Variants in SLC2A13 observed in about 807,000 individuals in gnomAD.
SLC2A13 encodes solute carrier family 2 member 13.
Under a neutral mutation model 64.4 loss-of-function variants are expected in SLC2A13, and 32 were observed. That is an observed-to-expected ratio of 0.50 (90% confidence interval 0.37 to 0.67). SLC2A13 has a LOEUF of 0.67. Among genes scored for constraint, SLC2A13 ranks in the 30% least tolerant of loss-of-function variants. The pLI is 0.00. For missense variants in SLC2A13, 743 were observed against 829.2 expected, an observed-to-expected ratio of 0.90 and a Z score of 1.28; for synonymous variants, 338 against 327.1, an observed-to-expected ratio of 1.03 and a Z score of -0.36.
chr12:40,082,490 G>A (rs142883873), intron 1 of SLC2A13, among the ~76,000 whole-genome samples: 31 of 152,316 alleles, frequency 2.0e-4, no homozygotes, highest in Admixed American at 7.8e-4. Context: ...TGCCTCAGCT[G>A]GGCAACCAAG....
intron 3 of SLC2A13, among the ~76,000 whole-genome samples, chr12:40,004,873 A>G (rs1054671094): frequency 1.1e-4 from 16 of 152,336 alleles, no homozygotes; most frequent in African/African-American, 3.8e-4. Context: ...ATAAGAGAGA[A>G]AAATATATTT....
Position 40,105,601 on chromosome 12 carries a change from G to T in SLC2A13, c.208C>A (p.Arg70=). 2.0e-6 allele frequency: 3 copies of T among 1,523,298 alleles called. No homozygotes were observed. Among genetic ancestry groups the T allele is most frequent in the Non-Finnish European group, 2.6e-6 (3 of 1,137,842 alleles). 94.4% of individuals were successfully genotyped at this position (1,523,298 alleles called of 1,614,324 possible). The change falls in exon 1 of 10, where the codon CGG becomes AGG. Residue 70 remains arginine (R), a synonymous_variant. Transcript: ENST00000280871. This position sits in a 1 kb window ranked among gnomAD's most constrained non-coding sequence, Gnocchi z 4.2. ...GGGGTCTCGTCCTGCTGGAACTGCC[G>T]CCGCGCCGCGCGCTCCAGGTCCCCG... ...GVGDLERAAR[R]QFQQDETPAF... is the part of the protein sequence containing the mutation.
intron 3 of SLC2A13, among the ~76,000 whole-genome samples, chr12:39,981,792 T>C (rs1248846620): frequency 8.5e-5 from 11 of 129,576 alleles, no homozygotes; most frequent in East Asian, 7.1e-4. Context: ...TTCCAATCAA[T>C]AGAAAAAGAG....
Position 40,105,454 on chromosome 12 carries a change from A to G in SLC2A13, c.355T>C (p.Trp119Arg). ...LKRQLSLDAL[W>R]QELLVSSTVG... is the part of the protein sequence containing the mutation. ...GTGCTGGACACCAGCAGCTCCTGCC[A>G]CAGCGCGTCCAGACTGAGCTGCCGC... is the stretch of plus-strand genomic sequence containing the variant. The change falls in exon 1 of 10, where the codon TGG (tryptophan) becomes CGG (arginine). Residue 119 changes from tryptophan (W) to arginine (R), a missense_variant. Transcript: ENST00000280871. The surrounding 1 kb of genome is among the most constrained non-coding windows in gnomAD (Gnocchi z 4.2). 1 of 1,559,600 alleles carries G rather than the reference A, an allele frequency of 6.4e-7. No homozygotes were observed. Among genetic ancestry groups the G allele is most frequent in the Non-Finnish European group, 8.7e-7 (1 of 1,152,434 alleles).
At chr12:39,879,198 C>T (rs554023094) in intron 4 of SLC2A13, among the ~76,000 whole-genome samples, 1 of 152,360 alleles carries the variant, frequency 6.6e-6, no homozygotes, top group South Asian at 2.1e-4. Flanking sequence ...CTGGCAGAAG[C>T]CTGCTGCAGG....
intron 3 of SLC2A13, among the ~76,000 whole-genome samples, chr12:39,990,647 C>T (rs1357714202): frequency 6.6e-6 from 1 of 152,082 alleles, no homozygotes; most frequent in African/African-American, 2.4e-5. Flanking sequence ...TTCTTGCAAC[C>T]CTGGTTCTAG....
chr12:39,818,575 C>T (rs888111272), intron 7 of SLC2A13, among the ~76,000 whole-genome samples: 2 of 152,056 alleles, frequency 1.3e-5, no homozygotes, highest in Non-Finnish European at 2.9e-5. Flanking sequence ...TGTGACATAG[C>T]CCAAGGTCAG....
chr12:39,896,326 G>A (rs1349443266), intron 4 of SLC2A13, among the ~76,000 whole-genome samples: 12 of 140,302 alleles, frequency 8.6e-5, no homozygotes, highest in African/African-American at 2.9e-4. Context: ...GTATGTATAT[G>A]TGTATATATG....
chr12:39,765,019 G>A (rs1015381014), intron 7 of SLC2A13, among the ~76,000 whole-genome samples, 161 bp from the exon 8 acceptor site: 5 of 151,974 alleles, frequency 3.3e-5, no homozygotes, highest in East Asian at 3.9e-4. Flanking sequence ...TTAGATATGC[G>A]AGCTTGTATA....
At chr12:39,774,740 C>A (rs10784058) in intron 7 of SLC2A13, among the ~76,000 whole-genome samples, 147,980 of 152,244 alleles carry the variant, frequency 0.97, 71,919 homozygotes, top group East Asian at 1. Context: ...TTTCAAAAGC[C>A]TTAGAAATTT....
At chr12:39,964,873 C>T (rs952787280) in intron 3 of SLC2A13, among the ~76,000 whole-genome samples, 9 of 152,118 alleles carry the variant, frequency 5.9e-5, no homozygotes, top group African/African-American at 1.9e-4. Flanking sequence ...AACCTGCTTT[C>T]AGTTAGTAAA....
intron 6 of SLC2A13, among the ~76,000 whole-genome samples, chr12:39,839,935 G>A (rs985838979): frequency 6.6e-6 from 1 of 152,010 alleles, no homozygotes; most frequent in Non-Finnish European, 1.5e-5. Context: ...CTAAAAACCT[G>A]AGCATGATTG....
chr12:39,811,124 T>C (rs1942143875), intron 7 of SLC2A13, among the ~76,000 whole-genome samples: 1 of 152,114 alleles, frequency 6.6e-6, no homozygotes. Context: ...TTTGGAAATA[T>C]GTGTCACCAG....
At chr12:39,926,046 A>G (rs1310826819) in intron 4 of SLC2A13, among the ~76,000 whole-genome samples, 2 of 152,156 alleles carry the variant, frequency 1.3e-5, no homozygotes, top group Admixed American at 6.6e-5. Flanking sequence ...CGAATTTGGT[A>G]AGCTTTTATA....
chr12:39,980,133 T>C (rs1333761503), intron 3 of SLC2A13, among the ~76,000 whole-genome samples: 115 of 151,792 alleles, frequency 7.6e-4, no homozygotes, highest in African/African-American at 2.7e-3. Flanking sequence ...TGAGAGATTT[T>C]GTCACCACCA....
intron 3 of SLC2A13, among the ~76,000 whole-genome samples, chr12:40,000,502 T>C (rs1947305605): frequency 2.6e-5 from 4 of 152,188 alleles, no homozygotes; most frequent in Non-Finnish European, 5.9e-5. Context: ...ATGTAATGGT[T>C]TGCCAGGGCT....
At chr12:39,896,632 T>A (rs1361716764) in intron 4 of SLC2A13, among the ~76,000 whole-genome samples, 1 of 151,490 alleles carries the variant, frequency 6.6e-6, no homozygotes, top group Non-Finnish European at 1.5e-5. Flanking sequence ...AAATTACATA[T>A]AACTTCTGGA....
rs1946729759 is a variant in SLC2A13, at chr12:39,974,644, C to A, written c.926-23279G>T. Among the ~76,000 whole-genome samples, 3 of 152,172 alleles carry A rather than the reference C, an allele frequency of 2.0e-5. No homozygotes were observed. In the South Asian group the frequency reaches 6.2e-4, roughly 32 times the overall value. On this transcript the variant is annotated intron_variant, in intron 3 of 9. Coordinates refer to ENST00000280871, the MANE Select transcript of SLC2A13 (RefSeq NM_052885.4). ...CATTGAGACTCTAAATGCAAAACTA[C>A]AAAATCATAAGATACGTTCAAATTA...
intron 3 of SLC2A13, among the ~76,000 whole-genome samples, chr12:39,988,135 T>C: frequency 6.6e-6 from 1 of 152,288 alleles, no homozygotes; most frequent in Non-Finnish European, 1.5e-5. Flanking sequence ...GGACAGTTTT[T>C]TTTAAATAGA....
Sources: allele counts gnomAD v4.1 joint callset (sites outside exome capture counted in the v4.1 genomes callset), GRCh38; gene constraint gnomAD v4.1.1; non-coding constraint Gnocchi (gnomAD v3.1); transcripts MANE v1.5; gene names NCBI Gene and HGNC (gene_info 2026-07-23, HGNC 2026-07-21).